CIMAP1A: variants seen among roughly 807,000 people sequenced by gnomAD.
CIMAP1A encodes the protein ciliary microtubule associated protein 1A, also known as cancer/testis antigen 135.
chr11:198,154 A>C, the CIMAP1A span: 1 of 1,595,448 alleles, frequency 6.3e-7, no homozygotes, highest in East Asian at 2.3e-5. Flanking sequence ...ACTGGGCTGC[A>C]TACCCACCTG....
At chr11:198,499 C>T in the CIMAP1A span, 2 of 1,613,230 alleles carry the variant, frequency 1.2e-6, no homozygotes, top group Admixed American at 3.3e-5. Flanking sequence ...GGTAATGGGG[C>T]CCAATACCGT....
At chr11:198,558 G>A in the CIMAP1A span, 3 of 1,610,428 alleles carry the variant, frequency 1.9e-6, no homozygotes, top group Non-Finnish European at 2.5e-6. Flanking sequence ...GCAGCAAGCT[G>A]GGCGGCTTCA....
the CIMAP1A span, chr11:198,901 A>G: frequency 1.6e-6 from 2 of 1,246,604 alleles, no homozygotes; most frequent in Admixed American, 4.0e-5. Flanking sequence ...GGAGGAAAAA[A>G]TAAACCATGA....
the CIMAP1A span, chr11:198,028 G>GC: frequency 6.5e-7 from 1 of 1,539,326 alleles, no homozygotes; most frequent in Non-Finnish European, 8.7e-7. Flanking sequence ...TGTCTCACCA[G>GC]CCCTGAAGTC....
At chr11:199,923 T>C in the CIMAP1A span, 1 of 1,613,372 alleles carries the variant, frequency 6.2e-7, no homozygotes, top group South Asian at 1.1e-5. Context: ...CTGGTTCCTA[T>C]CATAGCCCCT....
the CIMAP1A span, chr11:197,397 G>T: frequency 1.7e-5 from 27 of 1,601,788 alleles, no homozygotes; most frequent in East Asian, 5.0e-4. Flanking sequence ...CCAAGTACCT[G>T]ATTCCACCAA....
At chr11:198,193 G>T in the CIMAP1A span, 1 of 1,613,106 alleles carries the variant, frequency 6.2e-7, no homozygotes, top group East Asian at 2.2e-5. Context: ...TTGGCTCCTT[G>T]TCCAGGTGAC....
chr11:198,286 T>C, the CIMAP1A span: 1 of 1,613,788 alleles, frequency 6.2e-7, no homozygotes, highest in Admixed American at 1.7e-5. Context: ...GCATTCCGAG[T>C]GGACAGCACC....
chr11:197,326 G>A, the CIMAP1A span: 1 of 1,585,846 alleles, frequency 6.3e-7, no homozygotes, highest in South Asian at 1.1e-5. Flanking sequence ...GGTATGGATG[G>A]GTACCTGGAG....
At chr11:199,754 G>C in the CIMAP1A span, 1 of 1,436,996 alleles carries the variant, frequency 7.0e-7, no homozygotes, top group Non-Finnish European at 9.1e-7. Context: ...TGGAAGCAGA[G>C]ACCCTGCCCT....
chr11:197,513 G>A, the CIMAP1A span: 1 of 1,600,396 alleles, frequency 6.2e-7, no homozygotes, highest in Non-Finnish European at 8.5e-7. Flanking sequence ...CCAGCGGGGA[G>A]AAGGGCAGGT....
chr11:198,189 C>G, the CIMAP1A span: 6 of 1,612,590 alleles, frequency 3.7e-6, no homozygotes, highest in African/African-American at 8.0e-5. Context: ...CCCCTTGGCT[C>G]CTTGTCCAGG....
the CIMAP1A span, chr11:199,293 C>T: frequency 6.5e-7 from 1 of 1,531,012 alleles, no homozygotes; most frequent in Non-Finnish European, 8.8e-7. Context: ...GACTCAGAGC[C>T]TGAGTTTGCT....
chr11:198,640 C>T, the CIMAP1A span: 1 of 1,556,016 alleles, frequency 6.4e-7, no homozygotes, highest in Non-Finnish European at 8.7e-7. Flanking sequence ...CTGAACCCTC[C>T]CCCGGAACCC....
the CIMAP1A span, chr11:198,519 C>G: frequency 4.3e-6 from 7 of 1,613,106 alleles, no homozygotes; most frequent in Non-Finnish European, 5.9e-6. Flanking sequence ...TCGGCAAGGC[C>G]TCCCAGCCCT....
At chr11:199,412 C>T in the CIMAP1A span, 2 of 1,575,060 alleles carry the variant, frequency 1.3e-6, no homozygotes, top group Non-Finnish European at 1.7e-6. Flanking sequence ...GTGCGGGTGA[C>T]CAAGTTCAAG....
the CIMAP1A span, chr11:197,361 C>G: frequency 3.1e-6 from 5 of 1,598,292 alleles, no homozygotes; most frequent in East Asian, 4.6e-5. Flanking sequence ...GGGGACCCAT[C>G]ATGGCCCTCT....
chr11:200,125 C>A, the CIMAP1A span: 1 of 1,335,240 alleles, frequency 7.5e-7, no homozygotes, highest in Non-Finnish European at 1.1e-6. Flanking sequence ...CTGGGCTGGG[C>A]CAGCCTGGCC....
chr11:199,204 TGGG>T, the CIMAP1A span: 1 of 1,440,088 alleles, frequency 6.9e-7, no homozygotes, highest in Non-Finnish European at 9.1e-7. Context: ...CCACAAGCAG[TGGG>T]GTGTGATCTC....
Sources: gnomAD v4.1 joint callset for allele counts on GRCh38, gnomAD v4.1.1 for gene constraint, MANE v1.5 for transcripts, NCBI Gene and HGNC (gene_info 2026-07-23, HGNC 2026-07-21) for gene names.